The following DTNBP1 variants were observed in gnomAD, a reference collection of about 807,000 sequenced individuals.
DTNBP1 encodes the protein dysbindin.
In DTNBP1, 35 loss-of-function variants were observed where a neutral mutation model predicts 42.8. That is an observed-to-expected ratio of 0.82 (90% CI 0.63 to 1.09). The LOEUF is 1.09. Ranked by LOEUF, DTNBP1 falls within the 50% of genes least tolerant of loss-of-function variation. DTNBP1 has a pLI of 0.00. For synonymous variants in DTNBP1, 171 were observed against 162.2 expected, an observed-to-expected ratio of 1.05 and a Z score of -0.41; for missense variants, 457 against 424.2, an observed-to-expected ratio of 1.08 and a Z score of -0.68.
At chr6:15,592,593 G>GA (rs1489856100) in intron 7 of DTNBP1, among the ~76,000 whole-genome samples, 2 of 152,180 alleles carry the variant, frequency 1.3e-5, no homozygotes, top group African/African-American at 4.8e-5. Flanking sequence ...TTTACAGATG[G>GA]AGAGAGAAAC....
chr6:15,571,251 A>G (rs1775326829), intron 7 of DTNBP1, among the ~76,000 whole-genome samples: 1 of 152,216 alleles, frequency 6.6e-6, no homozygotes. Context: ...GTACATATTT[A>G]GAAACTCTCA....
At chr6:15,592,632 A>G (rs1776346238) in intron 7 of DTNBP1, among the ~76,000 whole-genome samples, 1 of 152,224 alleles carries the variant, frequency 6.6e-6, no homozygotes, top group African/African-American at 2.4e-5. Context: ...AGACTCATCC[A>G]AAGTCACAAG....
At chr6:15,580,155 G>A (rs1165785661) in intron 7 of DTNBP1, among the ~76,000 whole-genome samples, 5 of 152,098 alleles carry the variant, frequency 3.3e-5, no homozygotes, top group African/African-American at 4.8e-5. Context: ...AACTGCAACT[G>A]AAAGCAGCCA....
At chr6:15,652,175 G>A (rs773909714) in intron 1 of DTNBP1, 35 bp from the exon 2 acceptor site, 1 of 1,488,466 alleles carries the variant, frequency 6.7e-7, no homozygotes, top group Admixed American at 1.9e-5. Flanking sequence ...ATTTTTACAA[G>A]TCAAGAGATT....
chr6:15,631,254 T>G lies in DTNBP1; in HGVS notation c.223-3779A>C, dbSNP rs149555656. 3.2e-3 allele frequency among the ~76,000 whole-genome samples: 494 copies of G among 152,322 alleles called. 3 individuals carry two copies. The highest frequency in any genetic ancestry group is 0.01 in the Middle Eastern group (3 of 294). ...AAGGCTTTAAAATAAACTTTCATTT[T>G]TAAGGCTGGGTACTGTTTCTGCAAA... is the stretch of plus-strand genomic sequence containing the variant. On this transcript the variant is annotated intron_variant, in intron 4 of 9. Transcript: ENST00000344537.
At chr6:15,659,872 G>C (rs73373667) in intron 1 of DTNBP1, among the ~76,000 whole-genome samples, 3,628 of 151,992 alleles carry the variant, frequency 0.024, 147 homozygotes, top group African/African-American at 0.082. Flanking sequence ...GTTTCTTTGT[G>C]TTGCCCAGTC....
intron 7 of DTNBP1, among the ~76,000 whole-genome samples, chr6:15,580,633 G>A (rs1468687891): frequency 1.3e-5 from 2 of 152,210 alleles, no homozygotes; most frequent in African/African-American, 4.8e-5. Context: ...ATATATGTGT[G>A]TGTGTATATA....
chr6:15,590,421 C>T (rs11752196), intron 7 of DTNBP1, among the ~76,000 whole-genome samples: 19,254 of 152,114 alleles, frequency 0.13, 1,539 homozygotes, highest in African/African-American at 0.23. Context: ...TTTGTCACTA[C>T]GTTGCCTTAG....
intron 7 of DTNBP1, among the ~76,000 whole-genome samples, chr6:15,576,252 G>A (rs187640075): frequency 3.2e-4 from 49 of 151,932 alleles, no homozygotes; most frequent in African/African-American, 1.1e-3. Context: ...CCGAGTAGCC[G>A]GGATTACAGG....
intron 9 of DTNBP1, chr6:15,523,455 C>G: frequency 7.7e-7 from 1 of 1,301,274 alleles, no homozygotes; most frequent in Non-Finnish European, 1.0e-6. Context: ...CCACATGTGA[C>G]ACAGATCAAG....
chr6:15,541,080 G>A (rs1310683834), intron 7 of DTNBP1, among the ~76,000 whole-genome samples: 2 of 151,992 alleles, frequency 1.3e-5, no homozygotes, highest in African/African-American at 4.8e-5. Context: ...TGTATCTCGG[G>A]GCTAAGCACT....
intron 1 of DTNBP1, among the ~76,000 whole-genome samples, chr6:15,658,733 A>T (rs559911326): frequency 1.3e-5 from 2 of 152,352 alleles, no homozygotes; most frequent in South Asian, 4.1e-4. Context: ...GTACTTTGGT[A>T]TGTCCAAAAG....
intron 1 of DTNBP1, among the ~76,000 whole-genome samples, chr6:15,662,042 C>T (rs1391300767): frequency 6.6e-6 from 1 of 152,158 alleles, no homozygotes; most frequent in Admixed American, 6.5e-5. Context: ...ACTGGAATCC[C>T]CTGGGGATCT....
intron 7 of DTNBP1, among the ~76,000 whole-genome samples, chr6:15,583,484 A>G (rs1775925622): frequency 6.6e-6 from 1 of 152,232 alleles, no homozygotes; most frequent in Admixed American, 6.5e-5. Flanking sequence ...TAATCAGCAG[A>G]GCTACAAGAT....
At chr6:15,622,036 C>G (rs1209016533) in intron 5 of DTNBP1, among the ~76,000 whole-genome samples, 2 of 152,140 alleles carry the variant, frequency 1.3e-5, no homozygotes, top group African/African-American at 4.8e-5. Flanking sequence ...TGTATTTTTG[C>G]TTTTTTGCTA....
chr6:15,586,434 G>C (rs980831737), intron 7 of DTNBP1, among the ~76,000 whole-genome samples: 2 of 151,792 alleles, frequency 1.3e-5, no homozygotes, highest in African/African-American at 4.8e-5. Flanking sequence ...CTGAATCACA[G>C]CTCCATCAAT....
chr6:15,645,877 C>A (rs913449968), intron 3 of DTNBP1, among the ~76,000 whole-genome samples: 3 of 152,010 alleles, frequency 2.0e-5, no homozygotes, highest in Admixed American at 2.0e-4. Flanking sequence ...AGAACTGGAA[C>A]AAGACAAGGA....
chr6:15,652,272 T>C (rs1761045236), intron 1 of DTNBP1, 132 bp from the exon 2 acceptor site: 2 of 621,524 alleles, frequency 3.2e-6, no homozygotes, highest in Non-Finnish European at 5.4e-6. Context: ...GCCTCAATCC[T>C]GGGCCCAAGT....
rs2113768964 is a variant in DTNBP1 at position 15,637,755 on chromosome 6, T to C, written c.211A>G (p.Ser71Gly). 2.5e-6 allele frequency: 4 copies of C among 1,613,918 alleles called. No homozygotes were observed. Among genetic ancestry groups the C allele is most frequent in the Non-Finnish European group, 3.4e-6 (4 of 1,180,012 alleles). ...AGTCAATTCTTTACCTCTCCAGCAC[T>C]TGCACAGTCTTTGGCTCTTCTGTGA... ...ALHRRAKDCA[S>G]AGELVDSEVV... The change falls in exon 4 of 10, where the codon AGT (serine) becomes GGT (glycine). Residue 71 changes from serine to glycine, a missense_variant. Transcript: ENST00000344537.
Sources: allele counts gnomAD v4.1 joint callset (sites outside exome capture counted in the v4.1 genomes callset), GRCh38; gene constraint gnomAD v4.1.1; transcripts MANE v1.5; gene names NCBI Gene and HGNC (gene_info 2026-07-23, HGNC 2026-07-21).